Variants in METRNL observed in about 807,000 individuals in gnomAD.
METRNL encodes meteorin-like protein.
Under a neutral mutation model 17.4 loss-of-function variants are expected in METRNL, and 9 were observed. The observed-to-expected ratio is 0.52, with a 90% CI of 0.31 to 0.90. The LOEUF (loss-of-function observed/expected upper bound fraction) is 0.90. Among genes scored for constraint, METRNL ranks in the 40% least tolerant of loss-of-function variants. The pLI, the probability that METRNL is intolerant of heterozygous loss-of-function variation, is 0.05. For synonymous variants in METRNL, 215 were observed against 199.3 expected (o/e 1.08, Z -0.66); for missense variants, 408 against 430.7 (o/e 0.95, Z 0.47).
At position 83,094,580 on chromosome 17, in the gene METRNL, G is replaced by A. The variant is rs188667617; in HGVS notation, c.*5G>A. ...TGTGAGGTTGGCACGGACTGACTCCGTGGGCCGCTGCCCTTCCTCTCCTGA... is the reference window on the plus strand; with the variant it reads ...TGTGAGGTTGGCACGGACTGACTCCATGGGCCGCTGCCCTTCCTCTCCTGA... On this transcript the variant is annotated 3_prime_UTR_variant, in exon 4 of 4. Transcript: ENST00000320095. 9.0e-5 allele frequency: 130 copies of A among 1,443,848 alleles called. No individual in the cohort carries two copies. In the African/African-American group the frequency reaches 1.6e-3, roughly 17 times the overall value. The allele number at this position is 1,443,848 out of a possible 1,614,324, so 89.4% of individuals were successfully genotyped here.
At position 83,094,687 on chromosome 17, in the gene METRNL, GC is replaced by G; in HGVS notation, c.*115del. On this transcript the variant is annotated 3_prime_UTR_variant, in exon 4 of 4. Coordinates refer to ENST00000320095, the MANE Select transcript of METRNL (RefSeq NM_001004431.3). The stretch of plus-strand genomic sequence containing the variant: ...GCGCGCTGGGAGCCGCATGCCCTGG[GC>G]CCAGGCCTGACCCTGGTACCGAAGC... 1.2e-6 allele frequency: 1 copy of G among 835,006 alleles called. No individual in the cohort carries two copies. Among genetic ancestry groups the G allele is most frequent in the Non-Finnish European group, 1.6e-6 (1 of 611,718 alleles). 51.7% of individuals were successfully genotyped at this position (835,006 alleles called of 1,614,324 possible). A position where few individuals can be genotyped will look rare whatever the true frequency, so the allele number is the denominator to read the frequency against.
At chr17:83,093,330 G>A (rs1029187684) in intron 3 of METRNL, 104 bp downstream of exon 3, 36 of 946,940 alleles carry the variant, frequency 3.8e-5, no homozygotes, top group Admixed American at 2.4e-4. Context: ...ACAGCCTTCC[G>A]GTGCTGCGTG....
At chr17:83,086,449 C>T (rs1002638789) in intron 2 of METRNL, among the ~76,000 whole-genome samples, 2 of 152,152 alleles carry the variant, frequency 1.3e-5, no homozygotes, top group African/African-American at 2.4e-5. Context: ...ACTTTAACCA[C>T]GGCGGCCTTT....
chr17:83,092,584 T>C lies in METRNL; in HGVS notation c.557-583T>C, dbSNP rs1286149464. On this transcript the variant is annotated intron_variant, in intron 2 of 3. Coordinates refer to ENST00000320095, the MANE Select transcript of METRNL (RefSeq NM_001004431.3). Reference sequence around the variant, plus strand: ...GCTGTGGAGGTGGGTTGGGGGCGACTCTGGGAGGTGGGGGTGCTCCCGGCG... The same window carrying C: ...GCTGTGGAGGTGGGTTGGGGGCGACCCTGGGAGGTGGGGGTGCTCCCGGCG... 44 of 67,340 alleles carry C rather than the reference T, an allele frequency of 6.5e-4. 1 individual carries two copies. The highest frequency in any genetic ancestry group is 2.6e-3 in the African/African-American group (43 of 16,278). The allele number at this position is 67,340 out of a possible 1,614,324, so 4.2% of individuals were successfully genotyped here. A position where few individuals can be genotyped will look rare whatever the true frequency, so the allele number is the denominator to read the frequency against.
rs554740504 is a variant in METRNL, at chr17:83,092,113, G to T, written c.557-1054G>T. 6.9e-4 allele frequency among the ~76,000 whole-genome samples: 105 copies of T among 152,322 alleles called. 1 individual carries two copies. The South Asian group carries it at 0.019, about 27-fold the overall frequency. ...AGCCTCCGTGCTTTCCGCATTCTCT[G>T]GGGGAGGCCAGGCCCCGCAGGGTTC... On this transcript the variant is annotated intron_variant, in intron 2 of 3. Transcript: ENST00000320095.
At chr17:83,088,747 T>G (rs2038081744) in intron 2 of METRNL, among the ~76,000 whole-genome samples, 2 of 147,804 alleles carry the variant, frequency 1.4e-5, no homozygotes, top group East Asian at 2.0e-4. Flanking sequence ...AGCCCGTAGG[T>G]GAATGACCAG....
chr17:83,094,887 T>G lies in METRNL; in HGVS notation c.*312T>G. The G allele has an allele frequency of 3.3e-6, 1 of 305,732 alleles. No homozygotes were observed. The highest frequency in any genetic ancestry group is 6.0e-6 in the Non-Finnish European group (1 of 167,302). 18.9% of individuals were successfully genotyped at this position (305,732 alleles called of 1,614,324 possible). A position where few individuals can be genotyped will look rare whatever the true frequency, so the allele number is the denominator to read the frequency against. On this transcript the variant is annotated 3_prime_UTR_variant, in exon 4 of 4. Coordinates refer to ENST00000320095, the MANE Select transcript of METRNL (RefSeq NM_001004431.3). ...AACGCCTTGGTGTGCCGTCTGATACTGTTCTCTAAAGACGTTAGGAGTCAC... is the reference window on the plus strand; with the variant it reads ...AACGCCTTGGTGTGCCGTCTGATACGGTTCTCTAAAGACGTTAGGAGTCAC...
intron 1 of METRNL, 139 bp downstream of exon 1, chr17:83,080,124 C>T (rs1355214117): frequency 2.1e-5 from 6 of 288,716 alleles, no homozygotes; most frequent in Non-Finnish European, 3.1e-5. Flanking sequence ...AGGCCCAGTC[C>T]GGTGCCCGCT....
rs560171370 is a variant in METRNL, at chr17:83,085,367, C to T, written c.556+44C>T. ...GCGGGGGCGGCGGGCCTCGTCATCA[C>T]GGGGCTGGTGATGTGGCAGGTGTCT... On this transcript the variant is annotated intron_variant, in intron 2 of 3. Coordinates refer to ENST00000320095, the MANE Select transcript of METRNL (RefSeq NM_001004431.3). The T allele has an allele frequency of 5.7e-5, 86 of 1,509,558 alleles. No homozygotes were observed. In the South Asian group the frequency reaches 1.0e-3, roughly 18 times the overall value. The allele number at this position is 1,509,558 out of a possible 1,614,324, so 93.5% of individuals were successfully genotyped here. A position where few individuals can be genotyped will look rare whatever the true frequency, so the allele number is the denominator to read the frequency against.
chr17:83,087,622 T>A (rs1277359111), intron 2 of METRNL, among the ~76,000 whole-genome samples: 1 of 152,192 alleles, frequency 6.6e-6, no homozygotes, highest in African/African-American at 2.4e-5. Context: ...GGAATGTCGG[T>A]GCCGGCCGTC....
intron 2 of METRNL, among the ~76,000 whole-genome samples, chr17:83,089,888 GC>G (rs1238535164): frequency 6.6e-6 from 1 of 152,060 alleles, no homozygotes; most frequent in Non-Finnish European, 1.5e-5. Flanking sequence ...CTTCTAGCAG[GC>G]GAGGCTGCAG....
chr17:83,080,140 C>T (rs540790014), intron 1 of METRNL, 155 bp downstream of exon 1: 6 of 238,124 alleles, frequency 2.5e-5, no homozygotes, highest in Non-Finnish European at 3.4e-5. Flanking sequence ...CCGCTGTCCC[C>T]CGCCCCCGGT....
chr17:83,093,764 G>A (rs568432507), intron 3 of METRNL, among the ~76,000 whole-genome samples: 36 of 152,214 alleles, frequency 2.4e-4, no homozygotes, highest in African/African-American at 7.2e-4. Flanking sequence ...GTGTGGTGCC[G>A]TGGAAGCCAT....
rs374765087 is a variant in METRNL, at chr17:83,094,430, C to T, written c.791C>T (p.Pro264Leu). The change falls in exon 4 of 4, where the codon CCG (proline) becomes CTG (leucine). Residue 264 changes from proline (P) to leucine (L), a missense_variant. Pro to Leu is a moderately conservative substitution (Grantham distance 98). Transcript: ENST00000320095. ...ACGCTGCTGGAGTGTGGCGTGCGGCCGGGGCATGGCGACTTCCTCTTCACT... is the reference window on the plus strand; with the variant it reads ...ACGCTGCTGGAGTGTGGCGTGCGGCTGGGGCATGGCGACTTCCTCTTCACT... ...VRTLLECGVR[P>L]GHGDFLFTGH... 37 of 1,598,328 alleles carry T rather than the reference C, an allele frequency of 2.3e-5. No individual in the cohort carries two copies. Among genetic ancestry groups the T allele is most frequent in the African/African-American group, 1.5e-4 (11 of 74,800 alleles).
intron 1 of METRNL, chr17:83,084,354 C>T (rs1298181182): frequency 6.5e-6 from 1 of 152,972 alleles, no homozygotes; most frequent in African/African-American, 2.4e-5. Context: ...TTAAAAGCTG[C>T]TCTCTGGGCA....
chr17:83,082,381 T>A, intron 1 of METRNL: 1 of 393,528 alleles, frequency 2.5e-6, no homozygotes, highest in Non-Finnish European at 3.5e-6. Context: ...CCCCCTTCAG[T>A]GAGTCCCTTT....
At chr17:83,093,343 C>A in intron 3 of METRNL, 117 bp downstream of exon 3, 1 of 868,360 alleles carries the variant, frequency 1.2e-6, no homozygotes, top group Non-Finnish European at 1.8e-6. Flanking sequence ...GCTGCGTGGA[C>A]CCTCCTGGAG....
At chr17:83,082,098 C>G (rs2037996502) in intron 1 of METRNL, 1 of 985,314 alleles carries the variant, frequency 1.0e-6, no homozygotes, top group African/African-American at 1.7e-5. Context: ...TGAAACCTCC[C>G]TTCCGTGGGG....
chr17:83,081,872 G>T (rs1314321963), intron 1 of METRNL, among the ~76,000 whole-genome samples: 1 of 152,184 alleles, frequency 6.6e-6, no homozygotes, highest in East Asian at 1.9e-4. Context: ...ACAGAGACTC[G>T]CTGTGGAAAC....
Sources: gnomAD v4.1 joint callset for allele counts (sites outside exome capture counted in the v4.1 genomes callset) on GRCh38, gnomAD v4.1.1 for gene constraint, MANE v1.5 for transcripts, NCBI Gene and HGNC (gene_info 2026-07-23, HGNC 2026-07-21) for gene names.